The following GOLGA4 variants were observed in gnomAD, a reference collection of about 807,000 sequenced individuals.
The protein encoded by GOLGA4 is golgin A4.
A neutral mutation model predicts 265.9 loss-of-function variants in GOLGA4; 169 were observed. That is an observed-to-expected ratio of 0.64 (90% CI 0.56 to 0.72). The LOEUF (loss-of-function observed/expected upper bound fraction) is 0.72, where lower values mean the gene tolerates loss of function less well. Among genes scored for constraint, GOLGA4 ranks in the 30% least tolerant of loss-of-function variants. The pLI is 0.00. For missense variants in GOLGA4, 2,482 were observed against 2,483.4 expected (o/e 1.00, Z 0.01); for synonymous variants, 923 against 855.8 (o/e 1.08, Z -1.37).
intron 12 of GOLGA4, among the ~76,000 whole-genome samples, chr3:37,321,132 G>C (rs1247629981): frequency 6.6e-6 from 1 of 152,146 alleles, no homozygotes; most frequent in African/African-American, 2.4e-5. Context: ...TAGAAGTACT[G>C]TCTAGAGCTT....
chr3:37,252,002 A>T (rs943759549), intron 2 of GOLGA4, among the ~76,000 whole-genome samples: 4 of 152,178 alleles, frequency 2.6e-5, no homozygotes, highest in Non-Finnish European at 5.9e-5. Context: ...TTAATAGTTG[A>T]AGTTTTCAGA....
intron 23 of GOLGA4, among the ~76,000 whole-genome samples, chr3:37,363,145 T>C (rs116173698): frequency 0.012 from 1,864 of 152,252 alleles, 31 homozygotes; most frequent in Admixed American, 0.023. Flanking sequence ...GATTTTAATA[T>C]ATATTATTTG....
intron 2 of GOLGA4, among the ~76,000 whole-genome samples, chr3:37,255,108 C>T (rs1384132347): frequency 6.6e-6 from 1 of 151,734 alleles, no homozygotes; most frequent in Non-Finnish European, 1.5e-5. Flanking sequence ...TCTTTAGACT[C>T]AGTGCAATCC....
At chr3:37,275,215 C>CAAAAAAAAAAAAAAAAAAAAAAAAAAAA (rs749758741) in intron 2 of GOLGA4, among the ~76,000 whole-genome samples, 5 of 44,960 alleles carry the variant, frequency 1.1e-4, no homozygotes, top group Non-Finnish European at 1.9e-4. Context: ...GACTCCGTCT[C>CAAAAAAAAAAAAAAAAAAAAAAAAAAAA]AAAAAAAAAA....
At chr3:37,266,594 A>G (rs1024856196) in intron 2 of GOLGA4, among the ~76,000 whole-genome samples, 2 of 152,178 alleles carry the variant, frequency 1.3e-5, no homozygotes, top group African/African-American at 4.8e-5. Context: ...TATGCCAATA[A>G]GCAAGTTGTT....
intron 4 of GOLGA4, among the ~76,000 whole-genome samples, chr3:37,288,033 C>G (rs758278833): frequency 2.0e-5 from 3 of 151,698 alleles, no homozygotes; most frequent in Non-Finnish European, 4.4e-5. Flanking sequence ...AGAAAAGTAC[C>G]TTCCTTACCC....
chr3:37,316,906 T>C (rs527692418), intron 11 of GOLGA4, among the ~76,000 whole-genome samples: 1 of 152,244 alleles, frequency 6.6e-6, no homozygotes, highest in South Asian at 2.1e-4. Flanking sequence ...CTGACATCGT[T>C]TTTAAAAATT....
intron 17 of GOLGA4, 147 bp downstream of exon 17, chr3:37,335,313 ATAAAC>A (rs1250631821): frequency 3.5e-6 from 2 of 575,590 alleles, no homozygotes; most frequent in Non-Finnish European, 6.3e-6. Context: ...TTATAGACAG[ATAAAC>A]TAAATGTTCA....
At position 37,282,050 on chromosome 3, in the gene GOLGA4, C is replaced by T. The variant is rs150049361; in HGVS notation, c.255C>T (p.Phe85=). The change falls in exon 3 of 24, where the codon TTC becomes TTT. Residue 85 remains phenylalanine, a synonymous_variant. Coordinates refer to ENST00000361924, the MANE Select transcript of GOLGA4 (RefSeq NM_002078.5). ...GAAGTCCGATAAAGGAATCTCTATT[C>T]CGGTCTTCTTCTAAAGAGTCTTTGG... The part of the protein sequence containing the change: ...LFRSPIKESL[F]RSSSKESLVR... 4.4e-4 allele frequency: 705 copies of T among 1,613,904 alleles called. 3 individuals are homozygous for T. The highest frequency in any genetic ancestry group is 2.8e-3 in the East Asian group (126 of 44,882).
At chr3:37,275,755 G>A (rs566309767) in intron 2 of GOLGA4, 14 of 1,613,152 alleles carry the variant, frequency 8.7e-6, no homozygotes, top group South Asian at 4.4e-5. Context: ...AGAAGAACGC[G>A]GCTGGAGCAT....
intron 2 of GOLGA4, among the ~76,000 whole-genome samples, chr3:37,258,785 TATTA>T (rs2096761594): frequency 2.6e-5 from 4 of 152,238 alleles, no homozygotes. Flanking sequence ...TTGAATATCG[TATTA>T]ATTGGTTTTC....
intron 16 of GOLGA4, 124 bp from the exon 17 acceptor site, chr3:37,334,929 A>G: frequency 1.7e-6 from 1 of 586,546 alleles, no homozygotes. Flanking sequence ...TTAAATGTTT[A>G]TTTCCCTACA....
chr3:37,324,334 A>G lies in GOLGA4; in HGVS notation c.2448A>G (p.Ala816=). Residue 816 remains alanine, a synonymous_variant, in exon 14 of 24, where the codon GCA becomes GCG. Transcript: ENST00000361924. ...YQSATHEQTK[A]YEEQLAQLQQ... is the part of the protein sequence containing the mutation. ...GTGCCACACATGAGCAGACAAAAGC[A>G]TATGAGGAACAGTTGGCCCAATTGC... The G allele has an allele frequency of 6.2e-7, 1 of 1,614,208 alleles. No individual in the cohort carries two copies. The highest frequency in any genetic ancestry group is 1.6e-4 in the Middle Eastern group (1 of 6,062).
chr3:37,339,055 G>A (rs1039502602), intron 19 of GOLGA4, among the ~76,000 whole-genome samples: 1 of 151,834 alleles, frequency 6.6e-6, no homozygotes, highest in Non-Finnish European at 1.5e-5. Context: ...GTAGAGACGG[G>A]GTTTCACCAT....
In GOLGA4 at chr3:37,302,273, A is replaced by C; in HGVS notation, c.1175A>C (p.Lys392Thr). 6.2e-7 allele frequency: 1 copy of C among 1,613,392 alleles called. No individual in the cohort carries two copies. Among genetic ancestry groups the C allele is most frequent in the Non-Finnish European group, 8.5e-7 (1 of 1,179,302 alleles). ...EEIAQLRSRI[K>T]QMTTQGEELR... is the part of the protein sequence containing the mutation. Reference sequence around the variant, plus strand: ...ATTGCTCAACTCCGTAGTCGCATCAAACAGATGACTACCCAGGGAGAGGAA... The same window carrying C: ...ATTGCTCAACTCCGTAGTCGCATCACACAGATGACTACCCAGGGAGAGGAA... Residue 392 changes from lysine to threonine, a missense_variant, in exon 10 of 24, where the codon AAA (lysine) becomes ACA (threonine). Physicochemically the swap from Lys to Thr is moderately conservative, Grantham distance 78 (BLOSUM62 -1). Coordinates refer to ENST00000361924, the MANE Select transcript of GOLGA4 (RefSeq NM_002078.5).
chr3:37,283,700 A>AT (rs2096840781), intron 3 of GOLGA4, among the ~76,000 whole-genome samples: 1 of 151,316 alleles, frequency 6.6e-6, no homozygotes, highest in Admixed American at 6.6e-5. Flanking sequence ...TGATTTTTGT[A>AT]TTTTTTCGTA....
chr3:37,320,527 G>A (rs1191364845), intron 12 of GOLGA4: 2 of 152,134 alleles, frequency 1.3e-5, no homozygotes, highest in African/African-American at 4.8e-5. Flanking sequence ...ATGATTGGGT[G>A]TCTGTGGTCA....
chr3:37,337,837 T>C (rs1000685463), intron 19 of GOLGA4, 103 bp downstream of exon 19: 2 of 697,974 alleles, frequency 2.9e-6, no homozygotes, highest in Non-Finnish European at 5.0e-6. Flanking sequence ...TTTTTCAGTC[T>C]TACACCCAGG....
intron 23 of GOLGA4, among the ~76,000 whole-genome samples, chr3:37,364,143 A>G (rs187166297): frequency 6.6e-6 from 1 of 152,330 alleles, no homozygotes; most frequent in Admixed American, 6.5e-5. Flanking sequence ...ATATATATGG[A>G]AAGTTTGCCT....
Sources: allele counts gnomAD v4.1 joint callset (sites outside exome capture counted in the v4.1 genomes callset), GRCh38; gene constraint gnomAD v4.1.1; transcripts MANE v1.5; gene names NCBI Gene and HGNC (gene_info 2026-07-23, HGNC 2026-07-21).